Variants in TAOK3 observed in about 807,000 individuals in gnomAD.
The protein encoded by TAOK3 is serine/threonine-protein kinase TAO3.
TAOK3 carries 40 observed loss-of-function variants against 120.4 expected under a neutral mutation model. The observed-to-expected ratio is 0.33, with a 90% CI of 0.26 to 0.43. TAOK3 has a LOEUF of 0.43. Among genes scored for constraint, TAOK3 ranks in the 20% least tolerant of loss-of-function variants. The pLI is 1.00. For missense variants in TAOK3, 821 were observed against 1,112.1 expected (o/e 0.74, Z 3.72); for synonymous variants, 355 against 387.5 (o/e 0.92, Z 0.99).
chr12:118,244,812 A>G lies in TAOK3; in HGVS notation c.192+82T>C, dbSNP rs543709783. ...CAAAGTGCTGGGATTACAGGCGTGA[A>G]CCACCGCGCCCGGCCAGAATTTTGT... is the stretch of plus-strand genomic sequence containing the variant. On this transcript the variant is annotated intron_variant, in intron 4 of 20. Transcript: ENST00000392533. 1.7e-3 allele frequency: 1,735 copies of G among 1,014,778 alleles called. 14 individuals are homozygous for G. The highest frequency in any genetic ancestry group is 5.7e-3 in the South Asian group (446 of 77,698). The allele number at this position is 1,014,778 out of a possible 1,614,324, so 62.9% of individuals were successfully genotyped here. A position where few individuals can be genotyped will look rare whatever the true frequency, so the allele number is the denominator to read the frequency against.
At chr12:118,242,231 C>T (rs920672534) in intron 5 of TAOK3, among the ~76,000 whole-genome samples, 1 of 152,168 alleles carries the variant, frequency 6.6e-6, no homozygotes, top group African/African-American at 2.4e-5. Context: ...TCCTTCAAGA[C>T]AGCTGAGATT....
chr12:118,347,400 C>T (rs2044910673), intron 1 of TAOK3, among the ~76,000 whole-genome samples: 1 of 152,120 alleles, frequency 6.6e-6, no homozygotes, highest in African/African-American at 2.4e-5. Flanking sequence ...GTTGCTTCCT[C>T]TCTCCCAACT....
chr12:118,360,989 G>C (rs999040702), intron 1 of TAOK3, among the ~76,000 whole-genome samples: 1 of 152,180 alleles, frequency 6.6e-6, no homozygotes, highest in Admixed American at 6.5e-5. Flanking sequence ...AGTCATCAGT[G>C]ACTAAGTTAT....
intron 1 of TAOK3, among the ~76,000 whole-genome samples, chr12:118,353,031 T>C (rs1338736323): frequency 6.6e-6 from 1 of 152,160 alleles, no homozygotes; most frequent in East Asian, 1.9e-4. Context: ...TAGATAAGCA[T>C]GATGAAATAC....
Position 118,243,350 on chromosome 12 carries a change from TAATAGAAAA to T in TAOK3, c.294+56_294+64del, listed in dbSNP as rs1009695354. On this transcript the variant is annotated intron_variant, in intron 5 of 20. Coordinates refer to ENST00000392533, the MANE Select transcript of TAOK3 (RefSeq NM_016281.4). The stretch of plus-strand genomic sequence containing the variant: ...TTAGTAATTTTACAGATCAAATAGA[TAATAGAAAA>T]AAAAGAAAAAGAAAAAAATGTAATA... 8 of 832,672 alleles carry T rather than the reference TAATAGAAAA, an allele frequency of 9.6e-6. No individual in the cohort carries two copies. The Admixed American group carries it at 1.1e-4, about 11-fold the overall frequency. The allele number at this position is 832,672 out of a possible 1,614,324, so 51.6% of individuals were successfully genotyped here.
intron 19 of TAOK3, among the ~76,000 whole-genome samples, chr12:118,153,503 C>T (rs575528425): frequency 1.3e-5 from 2 of 152,286 alleles, no homozygotes; most frequent in South Asian, 4.1e-4. Flanking sequence ...TTGTCTTATA[C>T]AAGATACCCA....
chr12:118,172,791 A>G, intron 16 of TAOK3, 131 bp from the exon 17 acceptor site: 2 of 778,976 alleles, frequency 2.6e-6, no homozygotes, highest in Non-Finnish European at 4.2e-6. Context: ...AGTGTTGCAC[A>G]TCCTTCCCCC....
At chr12:118,259,028 T>A (rs996268144) in intron 2 of TAOK3, among the ~76,000 whole-genome samples, 3 of 152,128 alleles carry the variant, frequency 2.0e-5, no homozygotes, top group Non-Finnish European at 2.9e-5. Context: ...AATAAATATT[T>A]AAATGTAAAA....
Position 118,331,632 on chromosome 12 carries a change from G to A in TAOK3, c.-194+41016C>T, listed in dbSNP as rs182579213. The stretch of plus-strand genomic sequence containing the variant: ...TGCACTCCAGCCTGGGCAACAGAAC[G>A]AGACTCTTATCTCAAAAAAAAAAAA... On this transcript the variant is annotated intron_variant, in intron 1 of 20. Coordinates refer to ENST00000392533, the MANE Select transcript of TAOK3 (RefSeq NM_016281.4). Among the ~76,000 whole-genome samples, 427 of 117,276 alleles carry A rather than the reference G, an allele frequency of 3.6e-3. 2 individuals are homozygous for A. Among genetic ancestry groups the A allele is most frequent in the African/African-American group, 0.013 (378 of 28,460 alleles). The allele number at this position is 117,276 out of a possible 152,430, so 76.9% of individuals were successfully genotyped here.
intron 17 of TAOK3, among the ~76,000 whole-genome samples, chr12:118,166,839 C>T (rs1011503434): frequency 1.6e-5 from 2 of 125,788 alleles, no homozygotes; most frequent in African/African-American, 3.0e-5. Flanking sequence ...CACACACACA[C>T]ACACACATAC....
chr12:118,168,437 C>T (rs970055557), intron 17 of TAOK3, among the ~76,000 whole-genome samples: 2 of 152,170 alleles, frequency 1.3e-5, no homozygotes, highest in Admixed American at 1.3e-4. Context: ...ACAATGTATA[C>T]ATATATCAAA....
At chr12:118,243,640 TGAA>T (rs1042520574) in intron 4 of TAOK3, 124 bp from the exon 5 acceptor site, 6 of 459,116 alleles carry the variant, frequency 1.3e-5, no homozygotes, top group African/African-American at 1.2e-4. Context: ...GTTTAATAAA[TGAA>T]GAAGCTATTT....
chr12:118,230,748 C>A (rs142478693), intron 9 of TAOK3, among the ~76,000 whole-genome samples: 6 of 152,050 alleles, frequency 3.9e-5, no homozygotes, highest in African/African-American at 1.4e-4. Context: ...AGATTATAGG[C>A]GTGAGCCACC....
chr12:118,258,360 C>T (rs957170632), intron 2 of TAOK3, among the ~76,000 whole-genome samples: 4 of 152,110 alleles, frequency 2.6e-5, no homozygotes, highest in Non-Finnish European at 5.9e-5. Context: ...ATCAATACTA[C>T]TGGGAAAGTA....
At chr12:118,217,943 C>T (rs2039018455) in intron 9 of TAOK3, among the ~76,000 whole-genome samples, 2 of 144,292 alleles carry the variant, frequency 1.4e-5, no homozygotes, top group Non-Finnish European at 3.0e-5. Flanking sequence ...TCACTGCAAC[C>T]TCTGCCTCCA....
chr12:118,304,327 T>C (rs2042975555), intron 1 of TAOK3, among the ~76,000 whole-genome samples: 1 of 152,186 alleles, frequency 6.6e-6, no homozygotes, highest in Non-Finnish European at 1.5e-5. Flanking sequence ...ATATTTCTCA[T>C]ACCAAGAACT....
At chr12:118,280,577 A>G (rs1246059156) in intron 1 of TAOK3, among the ~76,000 whole-genome samples, 2 of 152,178 alleles carry the variant, frequency 1.3e-5, no homozygotes, top group Non-Finnish European at 2.9e-5. Flanking sequence ...TACCAGTACC[A>G]CGCTCTCTTG....
In TAOK3 at chr12:118,371,531, T is replaced by TC. The variant is rs55747748; in HGVS notation, c.-194+1116dup. 0.98 allele frequency among the ~76,000 whole-genome samples: 148,291 copies of TC among 151,910 alleles called. 72,407 individuals are homozygous for TC. Among genetic ancestry groups the TC allele is most frequent in the Middle Eastern group, 1 (294 of 294 alleles). Reference sequence around the variant, plus strand: ...TTCATGACATAATCCGGCTCCGGAGTCCCCCGGAGTCCCGGGGGCTCACAC... The same window carrying TC: ...TTCATGACATAATCCGGCTCCGGAGTCCCCCCGGAGTCCCGGGGGCTCACAC... On this transcript the variant is annotated intron_variant, in intron 1 of 20. Coordinates refer to ENST00000392533, the MANE Select transcript of TAOK3 (RefSeq NM_016281.4). This position sits in a 1 kb window ranked among gnomAD's most constrained non-coding sequence, Gnocchi z 5.5.
intron 1 of TAOK3, among the ~76,000 whole-genome samples, chr12:118,355,159 A>C (rs2045340206): frequency 6.6e-6 from 1 of 152,182 alleles, no homozygotes; most frequent in Admixed American, 6.5e-5. Context: ...AGTAATTAAA[A>C]CCACAGAAAG....
Sources: gnomAD v4.1 joint callset for allele counts (sites outside exome capture counted in the v4.1 genomes callset) on GRCh38, gnomAD v4.1.1 for gene constraint, Gnocchi (gnomAD v3.1) non-coding constraint, MANE v1.5 for transcripts, NCBI Gene and HGNC (gene_info 2026-07-23, HGNC 2026-07-21) for gene names.